KCND3: variants seen among roughly 807,000 people sequenced by gnomAD.
KCND3 encodes potassium voltage-gated channel subfamily D member 3, also known as A-type voltage-gated potassium channel KCND3.
KCND3 carries 9 observed loss-of-function variants against 51.1 expected under a neutral mutation model. The observed-to-expected ratio is 0.18, with a 90% CI of 0.11 to 0.31. KCND3 has a LOEUF of 0.31. KCND3 is among the 10% of genes least tolerant of loss of function. The pLI, the probability that KCND3 is intolerant of heterozygous loss-of-function variation, is 1.00. For synonymous variants in KCND3, 349 were observed against 368.0 expected (o/e 0.95, Z 0.59); for missense variants, 526 against 903.8 (o/e 0.58, Z 5.36).
intron 2 of KCND3, among the ~76,000 whole-genome samples, chr1:111,855,026 C>T (rs77386184): frequency 3.9e-5 from 6 of 152,300 alleles, no homozygotes; most frequent in African/African-American, 9.6e-5. Context: ...TCAGTCCTGC[C>T]GCTTAAGGGC....
chr1:111,778,365 A>G (rs1477972567), intron 6 of KCND3, 71 bp downstream of exon 6: 3 of 1,450,214 alleles, frequency 2.1e-6, no homozygotes, highest in African/African-American at 2.8e-5. Context: ...CCGGGGGGTA[A>G]AAAGGGGAGA....
chr1:111,798,510 A>G (rs1313995321), intron 2 of KCND3, among the ~76,000 whole-genome samples: 1 of 151,894 alleles, frequency 6.6e-6, no homozygotes, highest in Non-Finnish European at 1.5e-5. Context: ...AGGGCTTTCT[A>G]TCTCTGGATC....
chr1:111,957,588 A>T (rs1245079236), intron 2 of KCND3, among the ~76,000 whole-genome samples: 1 of 152,186 alleles, frequency 6.6e-6, no homozygotes, highest in African/African-American at 2.4e-5. Flanking sequence ...ATGTGTTCAC[A>T]TATGCCAGGA....
chr1:111,794,972 T>C (rs1281198929), intron 2 of KCND3, among the ~76,000 whole-genome samples: 2 of 152,224 alleles, frequency 1.3e-5, no homozygotes, highest in Admixed American at 1.3e-4. Context: ...CCTAGTTATC[T>C]GGCCCAAAGC....
At chr1:111,925,378 A>G (rs959854595) in intron 2 of KCND3, among the ~76,000 whole-genome samples, 6 of 152,242 alleles carry the variant, frequency 3.9e-5, no homozygotes, top group Non-Finnish European at 7.3e-5. Flanking sequence ...CTAGGATTTG[A>G]ACCCTACGAA....
chr1:111,976,980 C>T (rs913785770), intron 2 of KCND3, among the ~76,000 whole-genome samples: 2 of 152,178 alleles, frequency 1.3e-5, no homozygotes, highest in African/African-American at 4.8e-5. Flanking sequence ...AGTTCTGCAC[C>T]CTCTCTTAAG....
intron 2 of KCND3, among the ~76,000 whole-genome samples, chr1:111,878,460 A>G (rs1180056804): frequency 1.3e-5 from 2 of 152,220 alleles, no homozygotes; most frequent in African/African-American, 2.4e-5. Flanking sequence ...CAGATGACAC[A>G]GGGCCCATTT....
chr1:111,784,559 C>T (rs1664527442), intron 3 of KCND3, among the ~76,000 whole-genome samples: 1 of 152,202 alleles, frequency 6.6e-6, no homozygotes, highest in African/African-American at 2.4e-5. Context: ...GCTACTCCAG[C>T]TCCCAATTAT....
In KCND3 at chr1:111,802,087, A is replaced by T. The variant is rs147406456; in HGVS notation, c.1107-14981T>A. ...CAATGGAATAGCAATAAACTACCTC[A>T]CAGGGTTGTTATAAAAATCAAGTCT... is the stretch of plus-strand genomic sequence containing the variant. On this transcript the variant is annotated intron_variant, in intron 2 of 7. Transcript: ENST00000302127. Among the ~76,000 whole-genome samples, 4 of 152,376 alleles carry T rather than the reference A, an allele frequency of 2.6e-5. No homozygotes were observed. The East Asian group carries it at 7.7e-4, about 29-fold the overall frequency.
intron 2 of KCND3, among the ~76,000 whole-genome samples, chr1:111,902,009 G>A (rs550366602): frequency 1.2e-4 from 18 of 152,320 alleles, no homozygotes; most frequent in South Asian, 8.3e-4. Context: ...AAGATCCCAC[G>A]TGCTCAGCGG....
intron 7 of KCND3, among the ~76,000 whole-genome samples, chr1:111,776,668 G>C (rs191254979): frequency 6.6e-6 from 1 of 152,132 alleles, no homozygotes; most frequent in Non-Finnish European, 1.5e-5. Flanking sequence ...TAAGCCATGA[G>C]TAACACAGAT....
At chr1:111,949,807 T>A (rs1197374933) in intron 2 of KCND3, among the ~76,000 whole-genome samples, 1 of 152,202 alleles carries the variant, frequency 6.6e-6, no homozygotes, top group Non-Finnish European at 1.5e-5. Flanking sequence ...GATGGGTGTT[T>A]TCTAAATATT....
intron 2 of KCND3, among the ~76,000 whole-genome samples, chr1:111,959,415 C>G (rs1490439144): frequency 1.3e-5 from 2 of 152,180 alleles, no homozygotes; most frequent in African/African-American, 4.8e-5. Context: ...TCCCACCCCT[C>G]TGGGTCTTCT....
chr1:111,788,547 T>C (rs1304575836), intron 2 of KCND3, among the ~76,000 whole-genome samples: 2 of 152,224 alleles, frequency 1.3e-5, no homozygotes, highest in African/African-American at 4.8e-5. Flanking sequence ...CCCTGTGAAG[T>C]AGGCTCCTGT....
At chr1:111,902,285 G>A (rs953119141) in intron 2 of KCND3, among the ~76,000 whole-genome samples, 3 of 152,208 alleles carry the variant, frequency 2.0e-5, no homozygotes, top group Non-Finnish European at 2.9e-5. Context: ...AAGGGGTAAC[G>A]GAGCAGGTGA....
chr1:111,985,114 A>G (rs967526117), intron 1 of KCND3, among the ~76,000 whole-genome samples: 1 of 152,170 alleles, frequency 6.6e-6, no homozygotes, highest in Admixed American at 6.5e-5. Flanking sequence ...CCCCCATTTC[A>G]TAGATAAGGA....
In KCND3 at chr1:111,775,818, G is replaced by GCCCCCCCCCCCCC; in HGVS notation, c.*258_*259insGGGGGGGGGGGGG. ...AGCCTATATCCCCCGGCCTATCCCC[G>GCCCCCCCCCCCCC]ACCCCCCCACCCTCCCTCCCTTCCT... On this transcript the variant is annotated 3_prime_UTR_variant, in exon 8 of 8. Transcript: ENST00000302127. 2 of 99,730 alleles carry GCCCCCCCCCCCCC rather than the reference G, an allele frequency of 2.0e-5. No homozygotes were observed. Among genetic ancestry groups the GCCCCCCCCCCCCC allele is most frequent in the South Asian group, 1.2e-4 (1 of 8,076 alleles). The allele number at this position is 99,730 out of a possible 1,614,324, so 6.2% of individuals were successfully genotyped here. A position where few individuals can be genotyped will look rare whatever the true frequency, so the allele number is the denominator to read the frequency against.
At chr1:111,906,760 A>G (rs953326681) in intron 2 of KCND3, among the ~76,000 whole-genome samples, 4 of 152,124 alleles carry the variant, frequency 2.6e-5, no homozygotes, top group African/African-American at 4.8e-5. Flanking sequence ...CTCTCTGTGC[A>G]CAAAGCGTCC....
chr1:111,942,744 A>G (rs1166073924), intron 2 of KCND3, among the ~76,000 whole-genome samples: 2 of 152,222 alleles, frequency 1.3e-5, no homozygotes, highest in African/African-American at 4.8e-5. Flanking sequence ...GTTAGGGAGA[A>G]AATAAAGCAG....
Sources: allele counts gnomAD v4.1 joint callset (sites outside exome capture counted in the v4.1 genomes callset), GRCh38; gene constraint gnomAD v4.1.1; transcripts MANE v1.5; gene names NCBI Gene and HGNC (gene_info 2026-07-23, HGNC 2026-07-21).